Variants in CHCHD3 observed in about 807,000 individuals in gnomAD.
The protein encoded by CHCHD3 is coiled-coil-helix-coiled-coil-helix domain containing 3.
CHCHD3 carries 20 observed loss-of-function variants against 38.2 expected under a neutral mutation model. That is an observed-to-expected ratio of 0.52 (90% CI 0.37 to 0.76). The LOEUF is 0.76. Among genes scored for constraint, CHCHD3 ranks in the 30% least tolerant of loss-of-function variants. The pLI is 0.00. For synonymous variants in CHCHD3, 82 were observed against 100.0 expected (o/e 0.82, Z 1.07); for missense variants, 245 against 279.2 (o/e 0.88, Z 0.87).
At chr7:133,025,576 C>T (rs1484966491) in intron 2 of CHCHD3, among the ~76,000 whole-genome samples, 1 of 152,222 alleles carries the variant, frequency 6.6e-6, no homozygotes, top group Non-Finnish European at 1.5e-5. Flanking sequence ...ACGATCTTAG[C>T]TCACTGTGAC....
intron 2 of CHCHD3, chr7:133,034,849 C>A (rs1240029966): frequency 6.2e-7 from 1 of 1,609,960 alleles, no homozygotes; most frequent in Non-Finnish European, 8.5e-7. Flanking sequence ...ATGACACTGG[C>A]GAAGGCATTC....
At chr7:132,794,797 G>A (rs890366566) in intron 7 of CHCHD3, among the ~76,000 whole-genome samples, 2 of 152,078 alleles carry the variant, frequency 1.3e-5, no homozygotes, top group African/African-American at 4.8e-5. Flanking sequence ...AAGATTTACT[G>A]AATACTTTAT....
At chr7:132,932,294 A>G (rs1433350756) in intron 4 of CHCHD3, among the ~76,000 whole-genome samples, 1 of 152,182 alleles carries the variant, frequency 6.6e-6, no homozygotes, top group Non-Finnish European at 1.5e-5. Context: ...AGCAATGAAC[A>G]CTAGAACTCA....
At chr7:132,997,659 T>TAAAAAAAAAAAAAAAAAAAAAAA (rs71178073) in intron 3 of CHCHD3, among the ~76,000 whole-genome samples, 1 of 81,742 alleles carries the variant, frequency 1.2e-5, no homozygotes, top group African/African-American at 4.8e-5. Flanking sequence ...AACAGGGTTG[T>TAAAAAAAAAAAAAAAAAAAAAAA]AAAAAAAAAA....
At chr7:133,002,037 G>C (rs1359920518) in intron 3 of CHCHD3, among the ~76,000 whole-genome samples, 2 of 152,050 alleles carry the variant, frequency 1.3e-5, no homozygotes, top group African/African-American at 4.8e-5. Flanking sequence ...GGAGGTATCT[G>C]AGCCCTCAAG....
chr7:133,057,520 C>A lies in CHCHD3; in HGVS notation c.169+12622G>T, dbSNP rs1584677466. The stretch of plus-strand genomic sequence containing the variant: ...AAGGCTGCAGTGAGCCATTACCATA[C>A]CATAGCACTCCAGCTAGGGTGATAC... On this transcript the variant is annotated intron_variant, in intron 2 of 7. Coordinates refer to ENST00000262570, the MANE Select transcript of CHCHD3 (RefSeq NM_017812.4). Among the ~76,000 whole-genome samples, 5 of 152,184 alleles carry A rather than the reference C, an allele frequency of 3.3e-5. No homozygotes were observed. The South Asian group carries it at 1.0e-3, about 32-fold the overall frequency.
At position 133,081,917 on chromosome 7, in the gene CHCHD3, G is replaced by T; in HGVS notation, c.21C>A (p.Thr7=). 6.4e-7 allele frequency: 1 copy of T among 1,556,316 alleles called. No homozygotes were observed. Among genetic ancestry groups the T allele is most frequent in the African/African-American group, 1.4e-5 (1 of 73,394 alleles). Residue 7 remains threonine, a synonymous_variant, in exon 1 of 8, where the codon ACC becomes ACA. Transcript: ENST00000262570. ...CGTCCGCCTCGAAGGTGACCCGGCG[G>T]GTGCTGGTGGTCCCACCCATGATTC... MGGTTS[T]RRVTFEADEN...
intron 7 of CHCHD3, among the ~76,000 whole-genome samples, chr7:132,785,965 C>G (rs2117013508): frequency 6.6e-6 from 1 of 152,248 alleles, no homozygotes; most frequent in African/African-American, 2.4e-5. Flanking sequence ...ATCACTTGAG[C>G]CCAGAAGCTT....
At chr7:133,013,419 G>A (rs556797025) in intron 3 of CHCHD3, among the ~76,000 whole-genome samples, 1 of 152,126 alleles carries the variant, frequency 6.6e-6, no homozygotes, top group Non-Finnish European at 1.5e-5. Context: ...GAGGAGACTA[G>A]CAGGTCAGAA....
At position 132,903,708 on chromosome 7, in the gene CHCHD3, T is replaced by C. The variant is rs71535710; in HGVS notation, c.370-17963A>G. 2.0e-5 allele frequency among the ~76,000 whole-genome samples: 3 copies of C among 152,196 alleles called. No individual in the cohort carries two copies. In the South Asian group the frequency reaches 6.2e-4, roughly 32 times the overall value. The stretch of plus-strand genomic sequence containing the variant: ...GGCCTGCTTATGGCTATAGTTATTG[T>C]TTTAATTACATATTGCCTTTCTGAC... On this transcript the variant is annotated intron_variant, in intron 4 of 7. Coordinates refer to ENST00000262570, the MANE Select transcript of CHCHD3 (RefSeq NM_017812.4).
chr7:132,845,638 C>T (rs1355292480), intron 5 of CHCHD3, among the ~76,000 whole-genome samples: 3 of 152,200 alleles, frequency 2.0e-5, no homozygotes, highest in African/African-American at 7.2e-5. Context: ...GCCAAGACTT[C>T]CCAAGGCCTT....
chr7:132,907,840 CTA>C (rs1809835194), intron 4 of CHCHD3, among the ~76,000 whole-genome samples: 1 of 152,086 alleles, frequency 6.6e-6, no homozygotes, highest in Non-Finnish European at 1.5e-5. Context: ...TGAATGACAG[CTA>C]TGTTTCTACC....
intron 2 of CHCHD3, among the ~76,000 whole-genome samples, chr7:133,027,086 C>T (rs112639918): frequency 0.025 from 3,719 of 151,742 alleles, 162 homozygotes; most frequent in African/African-American, 0.085. Context: ...TACAGGCATG[C>T]GCCACCATGC....
At chr7:132,914,814 C>T (rs754090058) in intron 4 of CHCHD3, among the ~76,000 whole-genome samples, 3 of 151,942 alleles carry the variant, frequency 2.0e-5, no homozygotes, top group Admixed American at 6.6e-5. Flanking sequence ...AACTTGGAAA[C>T]GATGAGGAAG....
chr7:132,825,027 CT>C (rs1807473848), intron 6 of CHCHD3, among the ~76,000 whole-genome samples: 1 of 152,162 alleles, frequency 6.6e-6, no homozygotes, highest in African/African-American at 2.4e-5. Context: ...ACGAACAAAT[CT>C]TTTAGTAATA....
chr7:132,796,359 G>T (rs2117028981), intron 7 of CHCHD3, 83 bp downstream of exon 7: 3 of 1,478,002 alleles, frequency 2.0e-6, no homozygotes, highest in Non-Finnish European at 1.9e-6. Context: ...ACACACAGTG[G>T]CCCATTTAGT....
At chr7:132,796,366 T>C (rs1312870064) in intron 7 of CHCHD3, 76 bp downstream of exon 7, 1 of 1,548,332 alleles carries the variant, frequency 6.5e-7, no homozygotes, top group Non-Finnish European at 8.8e-7. Context: ...GTGGCCCATT[T>C]AGTCCTTACC....
intron 4 of CHCHD3, among the ~76,000 whole-genome samples, chr7:132,971,209 A>G (rs930065906): frequency 6.6e-6 from 1 of 152,210 alleles, no homozygotes; most frequent in Non-Finnish European, 1.5e-5. Context: ...GTCAGTCTTC[A>G]TCTTCTACAG....
intron 3 of CHCHD3, among the ~76,000 whole-genome samples, chr7:133,007,044 C>T (rs887030012): frequency 6.6e-6 from 1 of 152,038 alleles, no homozygotes; most frequent in Admixed American, 6.6e-5. Context: ...AGATGATTTT[C>T]ATTTTCTTAA....
Sources: allele counts gnomAD v4.1 joint callset (sites outside exome capture counted in the v4.1 genomes callset), GRCh38; gene constraint gnomAD v4.1.1; transcripts MANE v1.5; gene names NCBI Gene and HGNC (gene_info 2026-07-23, HGNC 2026-07-21).